The following INO80D variants were observed in gnomAD, a reference collection of about 807,000 sequenced individuals.
The protein encoded by INO80D is INO80 complex subunit D.
INO80D carries 21 observed loss-of-function variants against 87.6 expected under a neutral mutation model. That is an observed-to-expected ratio of 0.24 (90% CI 0.17 to 0.35). The LOEUF is 0.35. Among genes scored for constraint, INO80D ranks in the 10% least tolerant of loss-of-function variants. The probability of loss-of-function intolerance (pLI) is 1.00; values close to 1 mark genes in which losing one functional copy is unlikely to be tolerated. For missense variants in INO80D, 982 were observed against 1,280.7 expected, an observed-to-expected ratio of 0.77 and a Z score of 3.56; for synonymous variants, 440 against 491.0, an observed-to-expected ratio of 0.90 and a Z score of 1.37.
rs774907513 is a variant in INO80D, at chr2:206,056,364, G to C, written c.798C>G (p.Leu266=). 12 of 1,613,984 alleles carry C rather than the reference G, an allele frequency of 7.4e-6. No individual in the cohort carries two copies. Among genetic ancestry groups the C allele is most frequent in the Non-Finnish European group, 1.0e-5 (12 of 1,179,874 alleles). ...CAGTGGGAGCCCTACTGGATGGCAG[G>C]AGGGGCAGAGGCCTCTTGTGAGACA... ...RQLSHKRPLP[L]LPSSRAPTVD... is the part of the protein sequence containing the mutation. Residue 266 remains leucine (L), a synonymous_variant, in exon 4 of 11, where the codon CTC becomes CTG. Transcript: ENST00000403263.
chr2:206,037,122 T>C (rs1688915480), intron 5 of INO80D, among the ~76,000 whole-genome samples: 1 of 152,178 alleles, frequency 6.6e-6, no homozygotes. Flanking sequence ...TTTCCATATC[T>C]GTGAAATGAG....
At chr2:206,036,520 G>C (rs1231616869) in intron 5 of INO80D, among the ~76,000 whole-genome samples, 1 of 152,126 alleles carries the variant, frequency 6.6e-6, no homozygotes, top group African/African-American at 2.4e-5. Flanking sequence ...CTGATATGTG[G>C]GAGCTAAGCT....
intron 1 of INO80D, among the ~76,000 whole-genome samples, chr2:206,072,846 CT>C (rs35269123): frequency 0.017 from 2,375 of 143,656 alleles, 42 homozygotes; most frequent in African/African-American, 0.051. Flanking sequence ...ACTTTCTTCT[CT>C]TTTTTTTTTT....
Position 206,056,594 on chromosome 2 carries a change from G to C in INO80D, c.568C>G (p.Arg190Gly), listed in dbSNP as rs368120505. 1.2e-6 allele frequency: 2 copies of C among 1,610,276 alleles called. No individual in the cohort carries two copies. Among genetic ancestry groups the C allele is most frequent in the East Asian group, 4.5e-5 (2 of 44,812 alleles). Residue 190 changes from arginine (R) to glycine (G), a missense_variant, in exon 4 of 11, where the codon CGA (arginine) becomes GGA (glycine). Transcript: ENST00000403263. ...RQRETEILKVRQEHFSPPPAP... is the reference protein window; with the variant it reads ...RQRETEILKVGQEHFSPPPAP... ...GGAGGGGGACTAAAGTGCTCTTGTC[G>C]AACTTTTAAAATCTCTGTCTCTCTC...
In INO80D at chr2:206,005,651, A is replaced by C. The variant is rs1559428427; in HGVS notation, c.1919-118T>G. On this transcript the variant is annotated intron_variant, in intron 10 of 10. Transcript: ENST00000403263. Reference sequence around the variant, plus strand: ...ATTTAAAGAGTCCCTCTTGAAAAGAAAAGTTTCCAAGATTTTGATTGGAGG... The same window carrying C: ...ATTTAAAGAGTCCCTCTTGAAAAGACAAGTTTCCAAGATTTTGATTGGAGG... 4 of 840,434 alleles carry C rather than the reference A, an allele frequency of 4.8e-6. No homozygotes were observed. The East Asian group carries it at 8.0e-5, about 17-fold the overall frequency. 52.1% of individuals were successfully genotyped at this position (840,434 alleles called of 1,614,324 possible).
At chr2:206,017,554 A>G (rs1192065988) in intron 8 of INO80D, 126 bp downstream of exon 8, 11 of 669,252 alleles carry the variant, frequency 1.6e-5, no homozygotes, top group Non-Finnish European at 2.6e-5. Context: ...ATCTTAAGGG[A>G]ATAAAAATCC....
intron 6 of INO80D, among the ~76,000 whole-genome samples, chr2:206,026,705 T>C (rs1323511143): frequency 6.7e-6 from 1 of 150,160 alleles, no homozygotes; most frequent in African/African-American, 2.4e-5. Flanking sequence ...CCATAATCAG[T>C]TTAGAAAATA....
At position 206,082,332 on chromosome 2, in the gene INO80D, T is replaced by C. The variant is rs116342440; in HGVS notation, c.-124+3569A>G. Among the ~76,000 whole-genome samples, 504 of 152,378 alleles carry C rather than the reference T, an allele frequency of 3.3e-3. 5 individuals carry two copies. The highest frequency in any genetic ancestry group is 0.012 in the African/African-American group (482 of 41,590). On this transcript the variant is annotated intron_variant, in intron 1 of 10. Transcript: ENST00000403263. ...ACCACGCCCGGCCTAAAAACTCATC[T>C]TAAAAACAAATCACATTCTGTGAAA...
rs1369213315 is a variant in INO80D, at chr2:205,997,133, T to C, written c.*7235A>G. On this transcript the variant is annotated 3_prime_UTR_variant, in exon 11 of 11. Coordinates refer to ENST00000403263, the MANE Select transcript of INO80D (RefSeq NM_017759.5). ...TTTTAAGTATTAAAAATAAATGTCA[T>C]TGGAACATTTAATACCAACTCTACT... 5 of 152,256 alleles carry C rather than the reference T, an allele frequency of 3.3e-5. No homozygotes were observed. The highest frequency in any genetic ancestry group is 1.9e-4 in the East Asian group (1 of 5,192). 9.4% of individuals were successfully genotyped at this position (152,256 alleles called of 1,614,324 possible). A position where few individuals can be genotyped will look rare whatever the true frequency, so the allele number is the denominator to read the frequency against.
At chr2:206,018,741 A>G (rs567443334) in intron 7 of INO80D, among the ~76,000 whole-genome samples, 1 of 152,182 alleles carries the variant, frequency 6.6e-6, no homozygotes, top group Non-Finnish European at 1.5e-5. Flanking sequence ...GGGCAACAAA[A>G]AAGTACAAAA....
chr2:206,008,215 C>CTCA (rs1688078552), intron 9 of INO80D, among the ~76,000 whole-genome samples: 1 of 147,638 alleles, frequency 6.8e-6, no homozygotes, highest in African/African-American at 2.5e-5. Flanking sequence ...AACTCCTGAC[C>CTCA]TCAGGTGATC....
intron 3 of INO80D, among the ~76,000 whole-genome samples, chr2:206,057,663 C>T (rs1197188893): frequency 2.0e-5 from 3 of 151,982 alleles, no homozygotes; most frequent in Non-Finnish European, 2.9e-5. Context: ...CTAAGACCAA[C>T]TAAAATCAAA....
chr2:206,028,956 C>T (rs1398779354), intron 5 of INO80D, among the ~76,000 whole-genome samples: 1 of 151,406 alleles, frequency 6.6e-6, no homozygotes, highest in Non-Finnish European at 1.5e-5. Flanking sequence ...GATGCGATCT[C>T]AGCTCACTGC....
chr2:206,020,900 T>C (rs1688446076), intron 6 of INO80D, among the ~76,000 whole-genome samples: 1 of 152,086 alleles, frequency 6.6e-6, no homozygotes, highest in Non-Finnish European at 1.5e-5. Context: ...TTCATGACTG[T>C]AATCCCAGCA....
intron 8 of INO80D, among the ~76,000 whole-genome samples, chr2:206,011,173 A>C (rs765527060): frequency 6.6e-5 from 10 of 151,934 alleles, no homozygotes; most frequent in Non-Finnish European, 1.5e-4. Flanking sequence ...TATTTAACTC[A>C]ACAAATGGTG....
chr2:206,080,325 C>G (rs1426411143), intron 1 of INO80D, among the ~76,000 whole-genome samples: 3 of 152,202 alleles, frequency 2.0e-5, no homozygotes, highest in African/African-American at 2.4e-5. Context: ...CTCACAAAAA[C>G]ACTTCAAAAC....
intron 5 of INO80D, among the ~76,000 whole-genome samples, chr2:206,039,825 A>AAAG (rs1553617938): frequency 1.3e-5 from 2 of 150,694 alleles, no homozygotes; most frequent in East Asian, 1.9e-4. Context: ...AAAAAAAAAA[A>AAAG]AAAGAAAGAA....
In INO80D at chr2:206,046,566, C is replaced by T; in HGVS notation, c.1011G>A (p.Glu337=). The T allele has an allele frequency of 6.2e-7, 1 of 1,613,968 alleles. No individual in the cohort carries two copies. The highest frequency in any genetic ancestry group is 8.5e-7 in the Non-Finnish European group (1 of 1,179,838). The change falls in exon 5 of 11, where the codon GAG becomes GAA. Residue 337 remains glutamate (E), a synonymous_variant. Coordinates refer to ENST00000403263, the MANE Select transcript of INO80D (RefSeq NM_017759.5). ...EESGEEPEDS[E]QASPYQVAWS... is the part of the protein sequence containing the mutation. ...ATGCAACCTGGTAGGGCGAGGCCTG[C>T]TCTGAGTCCTCTGGTTCCTCTCCGC...
intron 8 of INO80D, among the ~76,000 whole-genome samples, chr2:206,012,123 T>G (rs1276037099): frequency 6.6e-6 from 1 of 152,182 alleles, no homozygotes. Context: ...GGAGCTAATA[T>G]GATCAGATGT....
Sources: allele counts gnomAD v4.1 joint callset (sites outside exome capture counted in the v4.1 genomes callset), GRCh38; gene constraint gnomAD v4.1.1; transcripts MANE v1.5; gene names NCBI Gene and HGNC (gene_info 2026-07-23, HGNC 2026-07-21).